The following DPP6 variants were observed in gnomAD, a reference collection of about 807,000 sequenced individuals.
DPP6 encodes dipeptidyl peptidase like 6.
In DPP6, 69 loss-of-function variants were observed where a neutral mutation model predicts 122.6. The observed-to-expected ratio is 0.56, with a 90% CI of 0.46 to 0.69. DPP6 has a LOEUF of 0.69. Ranked by LOEUF, DPP6 falls within the 30% of genes least tolerant of loss-of-function variation. The pLI is 0.00. For missense variants in DPP6, 928 were observed against 1,116.9 expected (o/e 0.83, Z 2.41); for synonymous variants, 418 against 433.1 (o/e 0.97, Z 0.43).
the DPP6 span, among the ~76,000 whole-genome samples, chr7:153,844,957 C>T: frequency 2.6e-5 from 4 of 152,108 alleles, no homozygotes; most frequent in African/African-American, 9.7e-5. Context: ...TTTGGCCATC[C>T]AGGCACCAGG....
intron 7 of DPP6, among the ~76,000 whole-genome samples, chr7:154,705,323 T>C (rs1840767475): frequency 6.6e-6 from 1 of 152,202 alleles, no homozygotes; most frequent in South Asian, 2.1e-4. Flanking sequence ...GGGGCATGTC[T>C]CTGCCTCCAT....
At chr7:154,242,464 C>G (rs1230331044) in intron 1 of DPP6, among the ~76,000 whole-genome samples, 1 of 152,158 alleles carries the variant, frequency 6.6e-6, no homozygotes, top group African/African-American at 2.4e-5. Context: ...AACTTTTCCT[C>G]TAGCTCTGAT....
intron 1 of DPP6, among the ~76,000 whole-genome samples, chr7:154,196,717 C>T (rs114874483): frequency 2.6e-5 from 4 of 152,130 alleles, no homozygotes; most frequent in South Asian, 2.1e-4. Flanking sequence ...CTGAAAACAT[C>T]GATGTCATCA....
the DPP6 span, among the ~76,000 whole-genome samples, chr7:153,844,096 C>T: frequency 1.3e-5 from 2 of 152,174 alleles, no homozygotes; most frequent in Non-Finnish European, 2.9e-5. Context: ...TCCCTGACTG[C>T]ACGTCTGTTC....
chr7:154,076,415 A>C (rs1239881571), intron 1 of DPP6, among the ~76,000 whole-genome samples: 2 of 151,734 alleles, frequency 1.3e-5, no homozygotes, highest in African/African-American at 4.8e-5. Context: ...GTGGCAATGC[A>C]CTCCAGCCTG....
At chr7:154,536,318 A>G (rs984270967) in intron 3 of DPP6, among the ~76,000 whole-genome samples, 1 of 152,208 alleles carries the variant, frequency 6.6e-6, no homozygotes, top group Non-Finnish European at 1.5e-5. Context: ...GTAAAGGGGC[A>G]TAGAGGTCTT....
chr7:154,006,848 G>T (rs553563401), intron 1 of DPP6, among the ~76,000 whole-genome samples: 1 of 152,334 alleles, frequency 6.6e-6, no homozygotes, highest in Non-Finnish European at 1.5e-5. Context: ...ATCTTGAATT[G>T]CCCTGGTTGG....
intron 1 of DPP6, among the ~76,000 whole-genome samples, chr7:153,995,040 G>A (rs923455357): frequency 1.3e-5 from 2 of 152,162 alleles, no homozygotes; most frequent in African/African-American, 4.8e-5. Flanking sequence ...ATAATTGAGG[G>A]ACCAGCCTGC....
intron 1 of DPP6, among the ~76,000 whole-genome samples, chr7:154,211,673 T>G (rs779621721): frequency 2.6e-5 from 4 of 152,160 alleles, no homozygotes; most frequent in Admixed American, 6.5e-5. Context: ...TCCACCTCCA[T>G]ACACACAAGG....
intron 1 of DPP6, among the ~76,000 whole-genome samples, chr7:153,981,417 A>G (rs978752778): frequency 1.3e-4 from 20 of 152,086 alleles, no homozygotes; most frequent in Admixed American, 2.6e-4. Context: ...CCATCCCTTT[A>G]TTTTAAGCCT....
chr7:154,341,194 G>A (rs1283246256), intron 1 of DPP6, among the ~76,000 whole-genome samples: 2 of 152,110 alleles, frequency 1.3e-5, no homozygotes, highest in East Asian at 1.9e-4. Context: ...TGCCAAATAG[G>A]GTTTTTAAGA....
At chr7:154,173,106 A>G (rs1012656264) in intron 1 of DPP6, among the ~76,000 whole-genome samples, 5 of 152,206 alleles carry the variant, frequency 3.3e-5, no homozygotes, top group Non-Finnish European at 5.9e-5. Flanking sequence ...ACCCTCACTA[A>G]TATCTTTCAG....
intron 1 of DPP6, among the ~76,000 whole-genome samples, chr7:153,918,489 CT>C (rs1491231559): frequency 8.0e-6 from 1 of 124,514 alleles, no homozygotes; most frequent in Non-Finnish European, 1.8e-5. Flanking sequence ...CTCTCTCTCT[CT>C]TTTTCTGCCA....
chr7:154,339,859 G>C (rs1809770146), intron 1 of DPP6, among the ~76,000 whole-genome samples: 1 of 152,102 alleles, frequency 6.6e-6, no homozygotes, highest in Non-Finnish European at 1.5e-5. Context: ...CGGATCACGA[G>C]GTCAGGAGTT....
rs1398118251 is a variant in DPP6 at position 154,805,115 on chromosome 7, T to C, written c.1547+151T>C. Reference sequence around the variant, plus strand: ...AGCTGTAGAGTCTGGAGAGAAGTAATGAAACTTGCAGAGGCCACCAAAGGG... The same window carrying C: ...AGCTGTAGAGTCTGGAGAGAAGTAACGAAACTTGCAGAGGCCACCAAAGGG... On this transcript the variant is annotated intron_variant, in intron 15 of 25. Transcript: ENST00000377770. Among the ~76,000 whole-genome samples the C allele has an allele frequency of 3.9e-5, 6 of 152,290 alleles. No homozygotes were observed. In the East Asian group the frequency reaches 9.7e-4, roughly 25 times the overall value.
chr7:154,783,488 C>T (rs965370098), intron 10 of DPP6, among the ~76,000 whole-genome samples: 12 of 152,272 alleles, frequency 7.9e-5, no homozygotes, highest in East Asian at 7.7e-4. Context: ...GGCATTATTG[C>T]GGCTCGCTGA....
chr7:154,022,334 C>A (rs555659259), intron 1 of DPP6, among the ~76,000 whole-genome samples: 614 of 152,204 alleles, frequency 4.0e-3, no homozygotes, highest in African/African-American at 0.014. Flanking sequence ...AGGACCCAAG[C>A]AACAGATAGA....
At chr7:154,623,965 A>G (rs1244586070) in intron 5 of DPP6, among the ~76,000 whole-genome samples, 4 of 152,194 alleles carry the variant, frequency 2.6e-5, no homozygotes, top group South Asian at 2.1e-4. Context: ...AGGCCAAGGC[A>G]GGTGGATCAC....
intron 1 of DPP6, among the ~76,000 whole-genome samples, chr7:154,047,101 G>A (rs1283648520): frequency 6.6e-6 from 1 of 151,366 alleles, no homozygotes; most frequent in Non-Finnish European, 1.5e-5. Context: ...ATGCCTCTGG[G>A]CTGATGCCAA....
Sources: gnomAD v4.1 joint callset for allele counts (sites outside exome capture counted in the v4.1 genomes callset) on GRCh38, gnomAD v4.1.1 for gene constraint, MANE v1.5 for transcripts, NCBI Gene and HGNC (gene_info 2026-07-23, HGNC 2026-07-21) for gene names.